Variants in LCP1 observed in about 807,000 individuals in gnomAD.
LCP1 encodes plastin-2.
Under a neutral mutation model 72.0 loss-of-function variants are expected in LCP1, and 23 were observed. The ratio of observed to expected loss-of-function variants is 0.32; its 90% CI spans 0.23 to 0.45. LCP1 has a LOEUF of 0.45. Ranked by LOEUF, LCP1 falls within the 20% of genes least tolerant of loss-of-function variation. The pLI is 1.00. For synonymous variants in LCP1, 245 were observed against 275.4 expected (o/e 0.89, Z 1.09); for missense variants, 571 against 748.3 (o/e 0.76, Z 2.76).
chr13:46,173,640 A>G (rs2138283206), intron 1 of LCP1, among the ~76,000 whole-genome samples: 1 of 152,288 alleles, frequency 6.6e-6, no homozygotes, highest in African/African-American at 2.4e-5. Context: ...TCTCACATCC[A>G]TGCTCTATGT....
intron 1 of LCP1, among the ~76,000 whole-genome samples, chr13:46,179,250 C>T (rs1593968891): frequency 1.3e-5 from 2 of 152,162 alleles, no homozygotes; most frequent in East Asian, 3.8e-4. Flanking sequence ...AAAGCTGAAA[C>T]ATGGTAGAAT....
intron 11 of LCP1, among the ~76,000 whole-genome samples, chr13:46,143,998 A>G (rs1263712404): frequency 6.6e-6 from 1 of 152,118 alleles, no homozygotes; most frequent in Non-Finnish European, 1.5e-5. Context: ...CCCGGGAGGC[A>G]GAGCTTGCAG....
intron 1 of LCP1, among the ~76,000 whole-genome samples, chr13:46,178,222 A>G (rs567688048): frequency 6.6e-6 from 1 of 152,310 alleles, no homozygotes; most frequent in South Asian, 2.1e-4. Flanking sequence ...ACCTGATTCA[A>G]TGTAAGTATT....
chr13:46,180,100 C>T (rs1480772064), intron 1 of LCP1, among the ~76,000 whole-genome samples: 1 of 152,090 alleles, frequency 6.6e-6, no homozygotes, highest in Non-Finnish European at 1.5e-5. Context: ...GAAAAATATG[C>T]TGGCCTGGAA....
At chr13:46,134,815 C>T (rs1366571822) in intron 13 of LCP1, among the ~76,000 whole-genome samples, 3 of 152,034 alleles carry the variant, frequency 2.0e-5, no homozygotes, top group Non-Finnish European at 4.4e-5. Flanking sequence ...GCTTTAACCT[C>T]TTAAAATTCT....
chr13:46,180,695 A>C (rs1248627451), intron 1 of LCP1, among the ~76,000 whole-genome samples: 1 of 152,216 alleles, frequency 6.6e-6, no homozygotes, highest in Non-Finnish European at 1.5e-5. Context: ...TGTAAACTTA[A>C]CTTTAAACAG....
intron 13 of LCP1, among the ~76,000 whole-genome samples, chr13:46,138,901 C>A (rs2138227956): frequency 6.6e-6 from 1 of 152,292 alleles, no homozygotes; most frequent in East Asian, 1.9e-4. Context: ...CCCGCCTCGG[C>A]CTCCCAAAGT....
At chr13:46,163,633 T>TA (rs575609187) in intron 1 of LCP1, among the ~76,000 whole-genome samples, 23,230 of 109,064 alleles carry the variant, frequency 0.21, 2,262 homozygotes, top group South Asian at 0.33. Flanking sequence ...AATGATCAAT[T>TA]AAAAAAAAAA....
chr13:46,147,212 C>A, intron 9 of LCP1, 109 bp from the exon 10 acceptor site: 1 of 940,406 alleles, frequency 1.1e-6, no homozygotes, highest in Non-Finnish European at 1.5e-6. Context: ...TAGTGTTTAT[C>A]TCAGGCAGAC....
intron 1 of LCP1, among the ~76,000 whole-genome samples, chr13:46,166,583 A>C (rs749557102): frequency 2.6e-5 from 4 of 152,232 alleles, no homozygotes; most frequent in Non-Finnish European, 5.9e-5. Context: ...TACAACTTCC[A>C]AACATCTCAA....
chr13:46,143,249 C>T, intron 12 of LCP1, 41 bp downstream of exon 12: 4 of 1,382,524 alleles, frequency 2.9e-6, no homozygotes, highest in Non-Finnish European at 3.1e-6. Context: ...CAGGCTATGA[C>T]TTTGCCTGTC....
chr13:46,169,339 C>T (rs530973624), intron 1 of LCP1: 25 of 152,344 alleles, frequency 1.6e-4, no homozygotes, highest in African/African-American at 6.0e-4. Flanking sequence ...CAGGTTTAGG[C>T]TGCAATTAAC....
At chr13:46,146,883 T>A in intron 10 of LCP1, 25 bp downstream of exon 10, 1 of 1,612,266 alleles carries the variant, frequency 6.2e-7, no homozygotes, top group East Asian at 2.2e-5. Flanking sequence ...CCTTTCCCCA[T>A]CTTAGGCAAA....
At chr13:46,166,107 G>T (rs2045875002) in intron 1 of LCP1, among the ~76,000 whole-genome samples, 2 of 152,136 alleles carry the variant, frequency 1.3e-5, no homozygotes, top group South Asian at 4.1e-4. Context: ...TATCATAAAA[G>T]TACCTGAACT....
chr13:46,149,791 C>T (rs2045753026), intron 8 of LCP1, among the ~76,000 whole-genome samples: 1 of 152,190 alleles, frequency 6.6e-6, no homozygotes, highest in South Asian at 2.1e-4. Context: ...AAATTTACAG[C>T]TGAGATCTGA....
chr13:46,178,103 T>C (rs1052967207), intron 1 of LCP1, among the ~76,000 whole-genome samples: 1 of 152,076 alleles, frequency 6.6e-6, no homozygotes, highest in South Asian at 2.1e-4. Flanking sequence ...TTAAATAAAA[T>C]ACGTGAATGA....
Position 46,142,289 on chromosome 13 carries a change from T to G in LCP1, c.1502+3A>C. On this transcript the variant is annotated splice_donor_region_variant and intron_variant, in intron 13 of 15. Coordinates refer to ENST00000323076, the MANE Select transcript of LCP1 (RefSeq NM_002298.5). ...AAAAAGCCACTTCCATAAGCTATAC[T>G]ACCTTCTCATTAGCTGCCAAATCAA... 6.2e-7 allele frequency: 1 copy of G among 1,613,482 alleles called. No homozygotes were observed. The highest frequency in any genetic ancestry group is 8.5e-7 in the Non-Finnish European group (1 of 1,179,516).
chr13:46,130,044 C>T (rs1260547153), intron 15 of LCP1, among the ~76,000 whole-genome samples: 3 of 152,214 alleles, frequency 2.0e-5, no homozygotes, highest in African/African-American at 7.2e-5. Flanking sequence ...GAAACCAATC[C>T]TGCCAACATC....
intron 1 of LCP1, among the ~76,000 whole-genome samples, chr13:46,178,520 G>A (rs2045942207): frequency 6.6e-6 from 1 of 152,144 alleles, no homozygotes; most frequent in African/African-American, 2.4e-5. Flanking sequence ...ACTTCCGAGA[G>A]CCTCAAAATG....
Sources: allele counts gnomAD v4.1 joint callset (sites outside exome capture counted in the v4.1 genomes callset), GRCh38; gene constraint gnomAD v4.1.1; transcripts MANE v1.5; gene names NCBI Gene and HGNC (gene_info 2026-07-23, HGNC 2026-07-21).